Variants in MAPK10 observed in about 807,000 individuals in gnomAD.
MAPK10 encodes the protein JNK3 alpha protein kinase.
A neutral mutation model predicts 59.3 loss-of-function variants in MAPK10; 25 were observed. That is an observed-to-expected ratio of 0.42 (90% confidence interval 0.31 to 0.59). The LOEUF (loss-of-function observed/expected upper bound fraction) is 0.59, where lower values mean the gene tolerates loss of function less well. MAPK10 is among the 20% of genes least tolerant of loss of function. The pLI is 0.15. For missense variants in MAPK10, 351 were observed against 568.9 expected (o/e 0.62, Z 3.90); for synonymous variants, 190 against 200.5 (o/e 0.95, Z 0.44).
intron 4 of MAPK10, among the ~76,000 whole-genome samples, chr4:86,149,002 T>A (rs2065699957): frequency 6.6e-6 from 1 of 152,204 alleles, no homozygotes; most frequent in Non-Finnish European, 1.5e-5. Context: ...AGGAAACAGT[T>A]GGCTTCAACC....
chr4:86,141,973 G>T (rs965395091), intron 4 of MAPK10, among the ~76,000 whole-genome samples: 9 of 152,174 alleles, frequency 5.9e-5, no homozygotes, highest in Admixed American at 4.6e-4. Context: ...GTGCAAAGAG[G>T]AGGAAAACTG....
chr4:86,040,386 T>C (rs578021159), intron 11 of MAPK10, among the ~76,000 whole-genome samples: 13 of 152,082 alleles, frequency 8.5e-5, no homozygotes, highest in Admixed American at 5.2e-4. Flanking sequence ...AATAGTAGGA[T>C]TGATGAAGGA....
intron 1 of MAPK10, among the ~76,000 whole-genome samples, chr4:86,552,137 A>T (rs1264980034): frequency 1.3e-5 from 2 of 151,678 alleles, no homozygotes; most frequent in African/African-American, 2.4e-5. Flanking sequence ...AGGGAGAAAG[A>T]GGTCAGGCAT....
chr4:86,385,995 T>C (rs375158780), intron 1 of MAPK10, among the ~76,000 whole-genome samples: 1 of 152,194 alleles, frequency 6.6e-6, no homozygotes. Context: ...TAAAAAAAAT[T>C]ATTTAAAAGA....
At chr4:86,457,082 C>T (rs1238866392), upstream of MAPK10, among the ~76,000 whole-genome samples, 2 of 152,110 alleles carry the variant, frequency 1.3e-5, no homozygotes, top group African/African-American at 4.8e-5. Flanking sequence ...ATAGATGCAG[C>T]AAAAGCATTT....
chr4:86,543,027 A>T (rs1287489566), intron 1 of MAPK10, among the ~76,000 whole-genome samples: 1 of 152,198 alleles, frequency 6.6e-6, no homozygotes, highest in African/African-American at 2.4e-5. Flanking sequence ...TCAGAGGGCA[A>T]GGAAGGTTCA....
At chr4:86,573,994 T>A (rs1322350748) in intron 1 of MAPK10, among the ~76,000 whole-genome samples, 1 of 152,156 alleles carries the variant, frequency 6.6e-6, no homozygotes, top group Non-Finnish European at 1.5e-5. Flanking sequence ...CATGCTGCTG[T>A]GCTGCACCCA....
In MAPK10 at chr4:86,036,273, G is replaced by A. The variant is rs533133297; in HGVS notation, c.1111-4842C>T. ...AGATCCAGATAGATCTTCGGTGGAG[G>A]ACGTTAATATGAGACATCACCTAAA... On this transcript the variant is annotated intron_variant, in intron 11 of 13. Transcript: ENST00000641462. 2.0e-5 allele frequency among the ~76,000 whole-genome samples: 3 copies of A among 152,162 alleles called. No individual in the cohort carries two copies. In the South Asian group the frequency reaches 6.2e-4, roughly 32 times the overall value.
chr4:86,170,918 A>T (rs373797008), intron 3 of MAPK10: 39 of 151,644 alleles, frequency 2.6e-4, no homozygotes, highest in African/African-American at 5.8e-4. Flanking sequence ...GGATTAAGAA[A>T]CTCACTCAAA....
Position 86,430,003 on chromosome 4 carries a change from G to T in MAPK10, c.-122+23027C>A, listed in dbSNP as rs557832452. Among the ~76,000 whole-genome samples, 3 of 152,078 alleles carry T rather than the reference G, an allele frequency of 2.0e-5. No individual in the cohort carries two copies. In the South Asian group the frequency reaches 6.2e-4, roughly 32 times the overall value. Reference sequence around the variant, plus strand: ...GCTCAGACCATTGAAGTTATTTTTGGTTGGGAGAGTATCGATAAGAAATGG... The same window carrying T: ...GCTCAGACCATTGAAGTTATTTTTGTTTGGGAGAGTATCGATAAGAAATGG... On this transcript the variant is annotated intron_variant, in intron 1 of 13. Transcript: ENST00000361569.
At chr4:86,410,497 C>T (rs888026651) in intron 1 of MAPK10, among the ~76,000 whole-genome samples, 14 of 152,086 alleles carry the variant, frequency 9.2e-5, no homozygotes, top group African/African-American at 3.4e-4. Flanking sequence ...CTTTTTGTAC[C>T]TCTGGTAGAA....
intron 4 of MAPK10, chr4:86,125,037 A>C (rs1235152534): frequency 2.0e-5 from 3 of 152,008 alleles, no homozygotes; most frequent in African/African-American, 7.2e-5. Flanking sequence ...ACAATGCAAA[A>C]ATACATTAGA....
At chr4:86,116,571 C>T (rs886123641) in intron 4 of MAPK10, among the ~76,000 whole-genome samples, 2 of 152,196 alleles carry the variant, frequency 1.3e-5, no homozygotes, top group Non-Finnish European at 2.9e-5. Context: ...CCCCCTATCT[C>T]ATGTGGAATA....
intron 1 of MAPK10, among the ~76,000 whole-genome samples, chr4:86,534,907 A>G (rs1758118435): frequency 6.6e-6 from 1 of 152,162 alleles, no homozygotes; most frequent in East Asian, 1.9e-4. Flanking sequence ...CTCTGTCTCA[A>G]AAACAAAAAC....
At chr4:86,147,578 A>T (rs1005207367) in intron 4 of MAPK10, among the ~76,000 whole-genome samples, 1 of 152,202 alleles carries the variant, frequency 6.6e-6, no homozygotes, top group African/African-American at 2.4e-5. Flanking sequence ...TACCATAAAT[A>T]TTAACTTATA....
intron 1 of MAPK10, among the ~76,000 whole-genome samples, chr4:86,548,430 C>G (rs1759453847): frequency 6.6e-6 from 1 of 152,180 alleles, no homozygotes; most frequent in Non-Finnish European, 1.5e-5. Context: ...AAGAACCCAC[C>G]AATTCCGGAC....
chr4:86,541,520 T>C (rs960800718), intron 1 of MAPK10, among the ~76,000 whole-genome samples: 3 of 151,964 alleles, frequency 2.0e-5, no homozygotes, highest in African/African-American at 4.8e-5. Flanking sequence ...GAGGGAAAAA[T>C]AGCCCTGAGA....
intron 13 of MAPK10, chr4:86,020,380 T>C (rs1412553524): frequency 6.6e-6 from 1 of 152,254 alleles, no homozygotes; most frequent in Non-Finnish European, 1.5e-5. Flanking sequence ...CTATTACAAA[T>C]AATGCTGTTA....
At chr4:86,397,937 T>A (rs1222038971) in intron 1 of MAPK10, among the ~76,000 whole-genome samples, 1 of 151,118 alleles carries the variant, frequency 6.6e-6, no homozygotes, top group Non-Finnish European at 1.5e-5. Flanking sequence ...AAAATATGAT[T>A]CTTTTTTAAG....
Sources: gnomAD v4.1 joint callset for allele counts (sites outside exome capture counted in the v4.1 genomes callset) on GRCh38, gnomAD v4.1.1 for gene constraint, MANE v1.5 for transcripts, NCBI Gene and HGNC (gene_info 2026-07-23, HGNC 2026-07-21) for gene names.